EP400: variants seen among roughly 807,000 people sequenced by gnomAD.
EP400 encodes the protein E1A binding protein p400.
EP400 carries 105 observed loss-of-function variants against 354.1 expected under a neutral mutation model. That is an observed-to-expected ratio of 0.30 (90% CI 0.25 to 0.35). The LOEUF (loss-of-function observed/expected upper bound fraction) is 0.35. Ranked by LOEUF, EP400 falls within the 10% of genes least tolerant of loss-of-function variation. The pLI, the probability that EP400 is intolerant of heterozygous loss-of-function variation, is 1.00. For missense variants in EP400, 3,280 were observed against 4,121.0 expected (o/e 0.80, Z 5.59); for synonymous variants, 1,646 against 1,716.9 (o/e 0.96, Z 1.02).
At position 131,982,278 on chromosome 12, in the gene EP400, T is replaced by G. The variant is rs1380193812; in HGVS notation, c.1729T>G (p.Phe577Val). Residue 577 changes from phenylalanine to valine, a missense_variant, in exon 5 of 53, where the codon TTT (phenylalanine) becomes GTT (valine). By Grantham distance (50) the Phe-to-Val change is conservative. This residue lies in a region of EP400 where 800 missense variants were observed against 840.0 expected (regional missense o/e 0.95). Coordinates refer to ENST00000389561, the MANE Select transcript of EP400 (RefSeq NM_015409.5). ...TGCAGCCCTCTCCTCTGCGCTGCAG[T>G]TTGCACAGCAGCCGCAAGTGGTAGA... ...PTAALSSALQ[F>V]AQQPQVVEAQ... 16 of 1,614,070 alleles carry G rather than the reference T, an allele frequency of 9.9e-6. No individual in the cohort carries two copies. Among genetic ancestry groups the G allele is most frequent in the Non-Finnish European group, 1.4e-5 (16 of 1,180,004 alleles).
intron 14 of EP400, 26 bp from the exon 15 acceptor site, chr12:132,006,674 A>G (rs1170054420): frequency 5.2e-6 from 8 of 1,552,102 alleles, no homozygotes; most frequent in Non-Finnish European, 6.9e-6. Context: ...ACGAGCTGTC[A>G]TTCTTTTATT....
chr12:132,020,884 T>G (rs1894100963), intron 22 of EP400, among the ~76,000 whole-genome samples, 195 bp from the exon 23 acceptor site: 1 of 152,262 alleles, frequency 6.6e-6, no homozygotes, highest in Non-Finnish European at 1.5e-5. Flanking sequence ...GAAGTGAAGA[T>G]AATTATCAAC....
Position 131,994,212 on chromosome 12 carries a change from G to T in EP400, c.2738-655G>T, listed in dbSNP as rs1893132662. Among the ~76,000 whole-genome samples the T allele has an allele frequency of 6.6e-6, 1 of 152,174 alleles. No homozygotes were observed. Among genetic ancestry groups the T allele is most frequent in the African/African-American group, 2.4e-5 (1 of 41,444 alleles). ...TAGTGAAGAAATGAGGAAGAGTTTT[G>T]ATGGTAGGAAGGGAGAGATGTTATG... On this transcript the variant is annotated intron_variant, in intron 11 of 52. Coordinates refer to ENST00000389561, the MANE Select transcript of EP400 (RefSeq NM_015409.5). This position sits in a 1 kb window ranked among gnomAD's most constrained non-coding sequence, Gnocchi z 4.6.
chr12:132,040,181 C>T (rs1344061657), intron 32 of EP400, among the ~76,000 whole-genome samples: 1 of 152,094 alleles, frequency 6.6e-6, no homozygotes, highest in African/African-American at 2.4e-5. Context: ...CAACTGGCAC[C>T]TATTGGGATG....
At position 131,982,108 on chromosome 12, in the gene EP400, C is replaced by T. The variant is rs375397534; in HGVS notation, c.1559C>T (p.Thr520Met). Residue 520 changes from threonine (T) to methionine (M), a missense_variant, in exon 5 of 53, where the codon ACG (threonine) becomes ATG (methionine). Coordinates refer to ENST00000389561, the MANE Select transcript of EP400 (RefSeq NM_015409.5). Reference sequence around the variant, plus strand: ...TATTTTGCAGGAGGAATGCCCCCCACGCCGCAGGCCGCGCAGCTCGCTGGA... The same window carrying T: ...TATTTTGCAGGAGGAATGCCCCCCATGCCGCAGGCCGCGCAGCTCGCTGGA... ...MPTAQGGMPPTPQAAQLAGQR... is the reference protein window; with the variant it reads ...MPTAQGGMPPMPQAAQLAGQR... The T allele has an allele frequency of 9.7e-5, 147 of 1,518,568 alleles. No homozygotes were observed. The highest frequency in any genetic ancestry group is 1.2e-4 in the Non-Finnish European group (137 of 1,135,732). The allele number at this position is 1,518,568 out of a possible 1,614,324, so 94.1% of individuals were successfully genotyped here.
intron 3 of EP400, among the ~76,000 whole-genome samples, chr12:131,980,861 T>C (rs1207387963): frequency 6.6e-6 from 1 of 152,162 alleles, no homozygotes; most frequent in Non-Finnish European, 1.5e-5. Context: ...TGTCTGTCAA[T>C]ATATCTAAAG....
At chr12:131,998,849 A>G (rs1401576745) in intron 12 of EP400, among the ~76,000 whole-genome samples, 1 of 77,072 alleles carries the variant, frequency 1.3e-5, no homozygotes, top group Non-Finnish European at 2.6e-5. Flanking sequence ...CTTGTATACA[A>G]AGACTTTGTA....
chr12:132,045,311 C>T lies in EP400; in HGVS notation c.6785-8C>T, dbSNP rs562490251. ...TACTCTCTTGCTGAAGACTGCCTCT[C>T]TGTTCAGCTGCAGGCAGGAAGAAGA... On this transcript the variant is annotated splice_region_variant and splice_polypyrimidine_tract_variant and intron_variant, in intron 37 of 52. Coordinates refer to ENST00000389561, the MANE Select transcript of EP400 (RefSeq NM_015409.5). 6 of 1,613,954 alleles carry T rather than the reference C, an allele frequency of 3.7e-6. No homozygotes were observed. The highest frequency in any genetic ancestry group is 5.1e-6 in the Non-Finnish European group (6 of 1,179,916).
At chr12:132,042,422 G>A (rs994070371) in intron 32 of EP400, among the ~76,000 whole-genome samples, 4 of 152,086 alleles carry the variant, frequency 2.6e-5, no homozygotes, top group African/African-American at 7.2e-5. Flanking sequence ...CACATCTGCC[G>A]TCTTTATAGT....
rs1334155348 is a variant in EP400 at position 132,029,705 on chromosome 12, G to T, written c.5386G>T (p.Ala1796Ser). The change falls in exon 28 of 53, where the codon GCC (alanine) becomes TCC (serine). Residue 1796 changes from alanine (A) to serine (S), a missense_variant. By Grantham distance (99) the Ala-to-Ser change is moderately conservative. Transcript: ENST00000389561. This position sits in a 1 kb window ranked among gnomAD's most constrained non-coding sequence, Gnocchi z 4.7. ...AACATGCTTTCTGCTCCTCAGGGTG[G>T]CCTTTGTGATTCCTCCGGTGGTGGC... ...ESLQDVIDRVAFVIPPVVAAP... is the reference protein window; with the variant it reads ...ESLQDVIDRVSFVIPPVVAAP... 8.7e-6 allele frequency: 14 copies of T among 1,611,976 alleles called. No homozygotes were observed. The highest frequency in any genetic ancestry group is 1.2e-5 in the Non-Finnish European group (14 of 1,179,588).
rs1175163208 is a variant in EP400, at chr12:131,957,676, A to G, written c.-35-2909A>G. Reference sequence around the variant, plus strand: ...AATGGCTCAGTCTCGGCTCACTGCAACCTCCGCCTCTCAGGTTCAAGCGAT... The same window carrying G: ...AATGGCTCAGTCTCGGCTCACTGCAGCCTCCGCCTCTCAGGTTCAAGCGAT... On this transcript the variant is annotated intron_variant, in intron 1 of 52. Coordinates refer to ENST00000389561, the MANE Select transcript of EP400 (RefSeq NM_015409.5). Among the ~76,000 whole-genome samples, 8 of 151,090 alleles carry G rather than the reference A, an allele frequency of 5.3e-5. No homozygotes were observed. In the South Asian group the frequency reaches 1.7e-3, roughly 31 times the overall value.
intron 39 of EP400, among the ~76,000 whole-genome samples, chr12:132,046,922 T>G (rs1895117417): frequency 6.6e-6 from 1 of 152,340 alleles, no homozygotes; most frequent in African/African-American, 2.4e-5. Flanking sequence ...TCAGTTCACC[T>G]CATGGAGCCC....
intron 48 of EP400, chr12:132,066,427 A>C (rs1297941013): frequency 2.0e-5 from 5 of 246,980 alleles, no homozygotes; most frequent in Non-Finnish European, 3.9e-5. Context: ...CTGAAGGAAC[A>C]GGAAGTGAAA....
intron 31 of EP400, 69 bp downstream of exon 31, chr12:132,037,862 G>T (rs931222357): frequency 7.4e-6 from 12 of 1,611,910 alleles, no homozygotes; most frequent in African/African-American, 2.7e-5. Context: ...CATGGTGTTA[G>T]TGCACACTAG....
At chr12:132,006,408 A>G (rs1043875920) in intron 14 of EP400, 106 bp downstream of exon 14, 4 of 1,321,770 alleles carry the variant, frequency 3.0e-6, no homozygotes, top group Admixed American at 2.6e-5. Context: ...GTCTATCCCA[A>G]CTGCAGAGTT....
intron 15 of EP400, among the ~76,000 whole-genome samples, chr12:132,007,138 G>T (rs998065610): frequency 6.6e-6 from 1 of 152,232 alleles, no homozygotes; most frequent in Non-Finnish European, 1.5e-5. Flanking sequence ...TGTGACTCCA[G>T]GGTCAGGTCA....
chr12:131,964,667 AGTT>A (rs1038609719), intron 2 of EP400, among the ~76,000 whole-genome samples: 1 of 152,176 alleles, frequency 6.6e-6, no homozygotes, highest in Non-Finnish European at 1.5e-5. Flanking sequence ...CAAATTTATC[AGTT>A]GTTTTTGCCC....
chr12:132,061,926 T>C (rs899667094), intron 45 of EP400, among the ~76,000 whole-genome samples, 184 bp from the exon 46 acceptor site: 6 of 152,222 alleles, frequency 3.9e-5, no homozygotes, highest in Non-Finnish European at 8.8e-5. Flanking sequence ...GAGAAACCAT[T>C]GCTCAGGGCA....
chr12:132,011,037 G>A (rs1047555540), intron 15 of EP400, among the ~76,000 whole-genome samples: 5 of 152,240 alleles, frequency 3.3e-5, no homozygotes, highest in African/African-American at 1.2e-4. Context: ...TTGGGAAGCA[G>A]CGATGGACAC....
Sources: allele counts gnomAD v4.1 joint callset (sites outside exome capture counted in the v4.1 genomes callset), GRCh38; gene constraint gnomAD v4.1.1; regional missense constraint gnomAD v4.1.1; non-coding constraint Gnocchi (gnomAD v3.1); transcripts MANE v1.5; gene names NCBI Gene and HGNC (gene_info 2026-07-23, HGNC 2026-07-21).